Variants in SPON1 observed in about 807,000 individuals in gnomAD.
SPON1 encodes spondin-1.
A neutral mutation model predicts 111.7 loss-of-function variants in SPON1; 52 were observed. The observed-to-expected ratio is 0.47, with a 90% CI of 0.37 to 0.59. SPON1 has a LOEUF of 0.59. SPON1 is among the 20% of genes least tolerant of loss of function. SPON1 has a pLI of 0.00. For missense variants in SPON1, 957 were observed against 1,068.5 expected (o/e 0.90, Z 1.46); for synonymous variants, 410 against 395.8 (o/e 1.04, Z -0.43).
intron 5 of SPON1, among the ~76,000 whole-genome samples, chr11:14,097,489 T>C (rs561402415): frequency 1.3e-5 from 2 of 152,348 alleles, no homozygotes; most frequent in East Asian, 3.9e-4. Flanking sequence ...TTTCATTACG[T>C]TTTCTATCAG....
intron 6 of SPON1, among the ~76,000 whole-genome samples, chr11:14,223,547 C>A (rs1225558109): frequency 6.6e-6 from 1 of 152,148 alleles, no homozygotes; most frequent in African/African-American, 2.4e-5. Context: ...TGTGGAAAGC[C>A]GTAAGATGAA....
intron 6 of SPON1, among the ~76,000 whole-genome samples, chr11:14,217,173 T>C (rs1388758638): frequency 2.0e-5 from 3 of 152,212 alleles, no homozygotes; most frequent in African/African-American, 7.2e-5. Context: ...GTCTTGCTTG[T>C]ATCAGAGCTA....
In SPON1 at chr11:14,259,337, G is replaced by A. The variant is rs1554941615; in HGVS notation, c.1550G>A (p.Cys517Tyr). ...WITWSPCSIS[C>Y]GMGMRSRERY... ...ACCTGGTCGCCCTGCAGCATCTCCT[G>A]CGGCATGGGCATGAGGTCCCGGGAG... Residue 517 changes from cysteine (C) to tyrosine (Y), a missense_variant, in exon 12 of 16, where the codon TGC becomes TAC. Physicochemically the swap from Cys to Tyr is radical, Grantham distance 194. Coordinates refer to ENST00000576479, the MANE Select transcript of SPON1 (RefSeq NM_006108.4). The surrounding 1 kb of genome is among the most constrained non-coding windows in gnomAD (Gnocchi z 5.0). 1.2e-6 allele frequency: 2 copies of A among 1,613,122 alleles called. No homozygotes were observed. The highest frequency in any genetic ancestry group is 2.2e-5 in the South Asian group (2 of 90,742).
Position 14,073,927 on chromosome 11 carries a change from G to A in SPON1, c.480-1418G>A, listed in dbSNP as rs1420751125. 2.0e-5 allele frequency among the ~76,000 whole-genome samples: 3 copies of A among 152,186 alleles called. No homozygotes were observed. In the East Asian group the frequency reaches 5.8e-4, roughly 29 times the overall value. ...GGTTGAAATTAGGATGGAGCCTTTG[G>A]CTGAAGCAGGAATGTGGGGCCTGGG... On this transcript the variant is annotated intron_variant, in intron 3 of 15. Coordinates refer to ENST00000576479, the MANE Select transcript of SPON1 (RefSeq NM_006108.4).
intron 1 of SPON1, among the ~76,000 whole-genome samples, chr11:13,964,545 C>T (rs988403581): frequency 2.0e-5 from 3 of 152,226 alleles, no homozygotes. Context: ...CCCGGAGCTA[C>T]CCAAAGCCGG....
intron 7 of SPON1, among the ~76,000 whole-genome samples, chr11:14,252,160 A>G (rs1282277004): frequency 1.3e-5 from 2 of 152,236 alleles, no homozygotes; most frequent in Admixed American, 6.5e-5. Context: ...CCTGGGGTAC[A>G]GCTATGAAAC....
At chr11:14,107,074 A>G (rs919033873) in intron 5 of SPON1, among the ~76,000 whole-genome samples, 31 of 152,188 alleles carry the variant, frequency 2.0e-4, no homozygotes, top group African/African-American at 6.8e-4. Context: ...TTTCCTGCAC[A>G]TGGAGCCTCC....
intron 1 of SPON1, among the ~76,000 whole-genome samples, chr11:13,977,449 A>G (rs1180452964): frequency 6.6e-6 from 1 of 152,178 alleles, no homozygotes; most frequent in Admixed American, 6.5e-5. Flanking sequence ...GAGCCTTTGC[A>G]TATGTTTATT....
chr11:14,255,102 A>G (rs1481665443), intron 8 of SPON1, among the ~76,000 whole-genome samples: 3 of 152,200 alleles, frequency 2.0e-5, no homozygotes, highest in Non-Finnish European at 2.9e-5. Flanking sequence ...CAGAAAACCA[A>G]TGGGAGAACA....
intron 5 of SPON1, among the ~76,000 whole-genome samples, chr11:14,119,485 G>A (rs1390966598): frequency 6.6e-6 from 1 of 152,166 alleles, no homozygotes; most frequent in Non-Finnish European, 1.5e-5. Context: ...CTTGCTTGCT[G>A]GCTAAATTGA....
chr11:14,198,578 C>T (rs1848426999), intron 6 of SPON1, among the ~76,000 whole-genome samples: 1 of 152,240 alleles, frequency 6.6e-6, no homozygotes, highest in Non-Finnish European at 1.5e-5. Flanking sequence ...TCTCCATACA[C>T]ACTGCTCTGC....
At chr11:13,993,468 C>T (rs1848247350) in intron 2 of SPON1, among the ~76,000 whole-genome samples, 1 of 152,118 alleles carries the variant, frequency 6.6e-6, no homozygotes, top group Non-Finnish European at 1.5e-5. Context: ...AAAAACTGCT[C>T]CCTGGAATGC....
intron 5 of SPON1, among the ~76,000 whole-genome samples, chr11:14,099,024 A>G (rs1849123602): frequency 6.6e-6 from 1 of 152,188 alleles, no homozygotes; most frequent in Non-Finnish European, 1.5e-5. Flanking sequence ...GTTTTTATTC[A>G]TAATTGAGAC....
chr11:13,970,353 A>G (rs1591335888), intron 1 of SPON1, among the ~76,000 whole-genome samples: 1 of 152,192 alleles, frequency 6.6e-6, no homozygotes, highest in South Asian at 2.1e-4. Context: ...AACTTAAGGG[A>G]CCTACCCACA....
chr11:14,098,342 T>C lies in SPON1; in HGVS notation c.676+18321T>C, dbSNP rs918804831. On this transcript the variant is annotated intron_variant, in intron 5 of 15. Coordinates refer to ENST00000576479, the MANE Select transcript of SPON1 (RefSeq NM_006108.4). ...ATTGATATGAACAAATAATTGTTAC[T>C]ATTCAATCTCTTTTGTGGAGTATTA... Among the ~76,000 whole-genome samples, 3 of 152,282 alleles carry C rather than the reference T, an allele frequency of 2.0e-5. No individual in the cohort carries two copies. The East Asian group carries it at 5.8e-4, about 29-fold the overall frequency.
At chr11:13,968,924 C>G (rs1437989488) in intron 1 of SPON1, among the ~76,000 whole-genome samples, 1 of 152,092 alleles carries the variant, frequency 6.6e-6, no homozygotes, top group African/African-American at 2.4e-5. Context: ...ATTTATTTTT[C>G]AAAAAGATGA....
chr11:14,191,160 AT>A (rs1305265111), intron 6 of SPON1, among the ~76,000 whole-genome samples: 4 of 152,138 alleles, frequency 2.6e-5, no homozygotes, highest in South Asian at 4.1e-4. Context: ...TAAAAAATAC[AT>A]TGCTCATCCT....
At chr11:14,020,472 C>A (rs11023052) in intron 2 of SPON1, among the ~76,000 whole-genome samples, 1 of 151,976 alleles carries the variant, frequency 6.6e-6, no homozygotes, top group African/African-American at 2.4e-5. Flanking sequence ...AGTTGGTAGG[C>A]GTGCAAATTA....
chr11:14,002,914 C>T (rs1848330782), intron 2 of SPON1, among the ~76,000 whole-genome samples: 1 of 152,134 alleles, frequency 6.6e-6, no homozygotes, highest in Non-Finnish European at 1.5e-5. Context: ...TCTCCTCCAA[C>T]CACTACCTCA....
Sources: allele counts gnomAD v4.1 joint callset (sites outside exome capture counted in the v4.1 genomes callset), GRCh38; gene constraint gnomAD v4.1.1; non-coding constraint Gnocchi (gnomAD v3.1); transcripts MANE v1.5; gene names NCBI Gene and HGNC (gene_info 2026-07-23, HGNC 2026-07-21).